The following MTFR1 variants were observed in gnomAD, a reference collection of about 807,000 sequenced individuals.
The protein encoded by MTFR1 is chondrocyte protein with a poly-proline region.
Under a neutral mutation model 38.8 loss-of-function variants are expected in MTFR1, and 28 were observed. The observed-to-expected ratio is 0.72, with a 90% CI of 0.53 to 0.99. The LOEUF is 0.99. MTFR1 is among the 50% of genes least tolerant of loss of function. The probability of loss-of-function intolerance (pLI) is 0.00; values close to 1 mark genes in which losing one functional copy is unlikely to be tolerated. For missense variants in MTFR1, 358 were observed against 395.5 expected (o/e 0.91, Z 0.81); for synonymous variants, 145 against 137.0 (o/e 1.06, Z -0.41).
chr8:65,682,008 T>C (rs1206279055), intron 2 of MTFR1: 1 of 155,426 alleles, frequency 6.4e-6, no homozygotes, highest in Non-Finnish European at 1.4e-5. Context: ...AAACTAAAAA[T>C]ATAGCAGAAG....
chr8:65,671,924 T>C (rs1401627973), intron 2 of MTFR1, among the ~76,000 whole-genome samples: 1 of 152,074 alleles, frequency 6.6e-6, no homozygotes, highest in Non-Finnish European at 1.5e-5. Context: ...CATTCAATAA[T>C]AGTTTCTTAG....
chr8:65,724,457 G>C (rs1019142499), intron 3 of MTFR1: 17 of 666,818 alleles, frequency 2.5e-5, no homozygotes, highest in Non-Finnish European at 4.2e-5. Context: ...AAATAAATAA[G>C]CCAGAAATAT....
chr8:65,755,470 C>T (rs1010252214), intron 3 of MTFR1, among the ~76,000 whole-genome samples: 6 of 152,080 alleles, frequency 3.9e-5, no homozygotes, highest in African/African-American at 1.4e-4. Context: ...TTATAAAGAC[C>T]TAGTTTGAAT....
chr8:65,662,839 C>A (rs1809480526), intron 1 of MTFR1, among the ~76,000 whole-genome samples: 1 of 151,664 alleles, frequency 6.6e-6, no homozygotes, highest in South Asian at 2.1e-4. Flanking sequence ...CGGCCATCCA[C>A]CTCGTCCGGA....
At chr8:65,777,564 T>A in the MTFR1 span, among the ~76,000 whole-genome samples, 2 of 152,356 alleles carry the variant, frequency 1.3e-5, no homozygotes, top group Middle Eastern at 3.4e-3. Flanking sequence ...TGTTATTTTT[T>A]GTTCTTTCCA....
At chr8:65,743,626 A>G (rs1807539265) in intron 3 of MTFR1, among the ~76,000 whole-genome samples, 1 of 152,236 alleles carries the variant, frequency 6.6e-6, no homozygotes, top group Non-Finnish European at 1.5e-5. Context: ...TAATGGAGTG[A>G]TACTAAAAGA....
rs1203950855 is a variant in MTFR1 at position 65,745,437 on chromosome 8, C to G, written c.*49-25510C>G. On this transcript the variant is annotated intron_variant, in intron 3 of 3. Coordinates refer to the MTFR1 transcript ENST00000521247. The stretch of plus-strand genomic sequence containing the variant: ...GTTAGTCTATCAAATAGAAAGATAT[C>G]AAAATTCCAATTTCCAACTTTTTCC... The G allele has an allele frequency of 7.0e-6, 11 of 1,576,912 alleles. No homozygotes were observed. The highest frequency in any genetic ancestry group is 9.6e-6 in the Non-Finnish European group (11 of 1,146,376).
intron 3 of MTFR1, among the ~76,000 whole-genome samples, chr8:65,689,144 C>G (rs1805195017): frequency 6.6e-6 from 1 of 152,130 alleles, no homozygotes; most frequent in Non-Finnish European, 1.5e-5. Context: ...GACTTGGTCT[C>G]AAAAACAAAC....
intron 2 of MTFR1, among the ~76,000 whole-genome samples, chr8:65,674,006 T>C (rs1480508332): frequency 6.6e-6 from 1 of 152,246 alleles, no homozygotes; most frequent in African/African-American, 2.4e-5. Flanking sequence ...ATGGCGTCAG[T>C]AGACTTGGCT....
chr8:65,724,003 A>G (rs1031548229), intron 3 of MTFR1, among the ~76,000 whole-genome samples: 6 of 152,334 alleles, frequency 3.9e-5, no homozygotes, highest in African/African-American at 1.4e-4. Context: ...CTTTCTGTAC[A>G]GCAAAATTCC....
At chr8:65,677,305 G>T (rs1262498826) in intron 2 of MTFR1, among the ~76,000 whole-genome samples, 2 of 150,538 alleles carry the variant, frequency 1.3e-5, no homozygotes, top group Non-Finnish European at 3.0e-5. Flanking sequence ...CCTGACCTCA[G>T]ATGATCCACC....
chr8:65,753,460 C>T (rs1339928416), intron 3 of MTFR1, among the ~76,000 whole-genome samples: 1 of 152,294 alleles, frequency 6.6e-6, no homozygotes, highest in East Asian at 1.9e-4. Context: ...AGATCCTAGA[C>T]CAGATGTGGA....
intron 3 of MTFR1, chr8:65,724,496 T>C: frequency 1.6e-6 from 1 of 612,798 alleles, no homozygotes; most frequent in Non-Finnish European, 2.8e-6. Context: ...TGTAAGAATT[T>C]ATGAGAATAA....
chr8:65,748,560 C>T (rs1294932523), intron 3 of MTFR1, among the ~76,000 whole-genome samples: 2 of 152,044 alleles, frequency 1.3e-5, no homozygotes, highest in African/African-American at 2.4e-5. Flanking sequence ...AGGGAACATA[C>T]GTTATCTTTA....
intron 2 of MTFR1, among the ~76,000 whole-genome samples, chr8:65,675,189 G>T (rs1409227357): frequency 1.3e-5 from 2 of 152,228 alleles, no homozygotes; most frequent in African/African-American, 2.4e-5. Context: ...TACTCGGGAG[G>T]CTGAGGCAGG....
At chr8:65,774,520 T>C (rs1448971581), downstream of MTFR1, among the ~76,000 whole-genome samples, 1 of 152,046 alleles carries the variant, frequency 6.6e-6, no homozygotes, top group Non-Finnish European at 1.5e-5. Context: ...CAGGAGTCTT[T>C]CGCACTCTTA....
intron 3 of MTFR1, among the ~76,000 whole-genome samples, chr8:65,768,472 G>C (rs767854298): frequency 1.3e-5 from 2 of 152,182 alleles, no homozygotes; most frequent in Non-Finnish European, 2.9e-5. Flanking sequence ...CTCTTGCCTT[G>C]TCTGCTGCCA....
intron 3 of MTFR1, among the ~76,000 whole-genome samples, chr8:65,750,492 G>GTGTGTC (rs1350935631): frequency 3.0e-5 from 4 of 135,256 alleles, no homozygotes; most frequent in Admixed American, 1.5e-4. Flanking sequence ...GTGTGTGTGT[G>GTGTGTC]TGTGTGTGTG....
At chr8:65,776,104 A>G (rs1223481898), downstream of MTFR1, among the ~76,000 whole-genome samples, 1 of 152,156 alleles carries the variant, frequency 6.6e-6, no homozygotes, top group Non-Finnish European at 1.5e-5. Flanking sequence ...CTGAATTATC[A>G]GCATAATTTG....
Sources: allele counts gnomAD v4.1 joint callset (sites outside exome capture counted in the v4.1 genomes callset), GRCh38; gene constraint gnomAD v4.1.1; transcripts MANE v1.5; gene names NCBI Gene and HGNC (gene_info 2026-07-23, HGNC 2026-07-21).